Variants in PEBP4 observed in about 807,000 individuals in gnomAD.
PEBP4 encodes the protein phosphatidylethanolamine-binding protein 4.
PEBP4 carries 22 observed loss-of-function variants against 23.9 expected under a neutral mutation model. That is an observed-to-expected ratio of 0.92 (90% CI 0.66 to 1.31). PEBP4 has a LOEUF of 1.31. PEBP4 is among the 40% of genes most tolerant of loss of function. The pLI is 0.00. For missense variants in PEBP4, 324 were observed against 281.7 expected (o/e 1.15, Z -1.07); for synonymous variants, 112 against 99.3 (o/e 1.13, Z -0.76).
intron 3 of PEBP4, among the ~76,000 whole-genome samples, chr8:22,824,175 CTTTA>C (rs1298833163): frequency 6.6e-6 from 1 of 152,098 alleles, no homozygotes; most frequent in Non-Finnish European, 1.5e-5. Context: ...TAATTATGAA[CTTTA>C]TTTTCTTCTT....
intron 4 of PEBP4, among the ~76,000 whole-genome samples, chr8:22,732,185 A>G (rs1267869721): frequency 6.6e-6 from 1 of 151,984 alleles, no homozygotes; most frequent in Admixed American, 6.6e-5. Context: ...GGGGAAGGCA[A>G]TTCTTCCTCA....
chr8:22,757,600 C>G (rs1338263267), intron 4 of PEBP4: 1 of 152,142 alleles, frequency 6.6e-6, no homozygotes, highest in Non-Finnish European at 1.5e-5. Flanking sequence ...AGCCAGCTAG[C>G]GGGAGAGCTG....
chr8:22,817,517 G>T, intron 4 of PEBP4, 120 bp downstream of exon 4: 1 of 887,120 alleles, frequency 1.1e-6, no homozygotes, highest in Non-Finnish European at 1.8e-6. Flanking sequence ...AGCACTGGGG[G>T]AGATGGGACA....
At position 22,906,597 on chromosome 8, in the gene PEBP4, A is replaced by T. The variant is rs118011896; in HGVS notation, c.258+13587T>A. 2.6e-4 allele frequency among the ~76,000 whole-genome samples: 40 copies of T among 152,372 alleles called. No individual in the cohort carries two copies. In the East Asian group the frequency reaches 7.1e-3, roughly 27 times the overall value. ...CTCGACTGTCATGTTGCAAGGCTGC[A>T]CTAGTCACATGGGTGGCTGAGATGA... On this transcript the variant is annotated intron_variant, in intron 3 of 6. Coordinates refer to ENST00000256404, the MANE Select transcript of PEBP4 (RefSeq NM_144962.3).
At chr8:22,804,977 T>G (rs978834422) in intron 4 of PEBP4, among the ~76,000 whole-genome samples, 2 of 152,090 alleles carry the variant, frequency 1.3e-5, no homozygotes, top group African/African-American at 4.8e-5. Context: ...GCTCACAGGT[T>G]TCCTTCTCTG....
chr8:22,777,153 G>C (rs1805829945), intron 4 of PEBP4, among the ~76,000 whole-genome samples: 1 of 152,040 alleles, frequency 6.6e-6, no homozygotes, highest in Non-Finnish European at 1.5e-5. Flanking sequence ...TCATGAGGGA[G>C]GGAGGGTGCT....
At chr8:22,900,901 T>C (rs1585333006) in intron 3 of PEBP4, among the ~76,000 whole-genome samples, 1 of 152,162 alleles carries the variant, frequency 6.6e-6, no homozygotes, top group Non-Finnish European at 1.5e-5. Flanking sequence ...GACATAATTC[T>C]GACATAGTCA....
intron 3 of PEBP4, among the ~76,000 whole-genome samples, chr8:22,823,389 A>G (rs576325472): frequency 6.6e-6 from 1 of 151,974 alleles, no homozygotes; most frequent in African/African-American, 2.4e-5. Context: ...TTAATAACAT[A>G]ATATTAAATT....
At chr8:22,831,709 A>G (rs1256897184) in intron 3 of PEBP4, among the ~76,000 whole-genome samples, 1 of 152,152 alleles carries the variant, frequency 6.6e-6, no homozygotes, top group Non-Finnish European at 1.5e-5. Flanking sequence ...GCTCAGGGTG[A>G]CCAAATAAAG....
At chr8:22,930,185 C>A (rs1809431993), upstream of PEBP4, among the ~76,000 whole-genome samples, 1 of 152,180 alleles carries the variant, frequency 6.6e-6, no homozygotes, top group African/African-American at 2.4e-5. Flanking sequence ...CTTCCTCTCA[C>A]ATGTTACCTC....
At chr8:22,795,839 T>C (rs1224909625) in intron 4 of PEBP4, among the ~76,000 whole-genome samples, 2 of 152,222 alleles carry the variant, frequency 1.3e-5, no homozygotes, top group Non-Finnish European at 2.9e-5. Context: ...AGTATAAAAA[T>C]AACGAATTTA....
intron 2 of PEBP4, among the ~76,000 whole-genome samples, chr8:22,923,337 T>C (rs995699667): frequency 3.9e-5 from 6 of 152,046 alleles, no homozygotes; most frequent in African/African-American, 1.4e-4. Flanking sequence ...GAGGCTGAGG[T>C]GAGATGATCA....
At chr8:22,731,810 C>T (rs1804742804) in intron 4 of PEBP4, among the ~76,000 whole-genome samples, 1 of 151,172 alleles carries the variant, frequency 6.6e-6, no homozygotes, top group African/African-American at 2.4e-5. Context: ...AGGTGCCTGC[C>T]ATGGCGCCCG....
chr8:22,858,591 T>C (rs984832880), intron 3 of PEBP4, among the ~76,000 whole-genome samples: 1 of 152,154 alleles, frequency 6.6e-6, no homozygotes, highest in Non-Finnish European at 1.5e-5. Context: ...ATTAGACTCA[T>C]CTTAGAGATG....
intron 4 of PEBP4, among the ~76,000 whole-genome samples, chr8:22,756,793 C>T (rs995011315): frequency 8.5e-5 from 13 of 152,070 alleles, no homozygotes; most frequent in African/African-American, 1.4e-4. Context: ...GTTCGGAAAT[C>T]GTGGTGGCCA....
At chr8:22,734,180 T>C in intron 4 of PEBP4, among the ~76,000 whole-genome samples, 1 of 152,188 alleles carries the variant, frequency 6.6e-6, no homozygotes, top group East Asian at 1.9e-4. Context: ...CGGAAGGCAC[T>C]GACAGCTCCC....
intron 4 of PEBP4, among the ~76,000 whole-genome samples, chr8:22,785,525 G>A (rs1585271168): frequency 1.3e-5 from 2 of 152,292 alleles, no homozygotes; most frequent in South Asian, 2.1e-4. Flanking sequence ...GGACAGATCC[G>A]CCATGTGCTC....
intron 5 of PEBP4, among the ~76,000 whole-genome samples, chr8:22,725,994 GAT>G (rs1427297356): frequency 2.5e-3 from 235 of 93,722 alleles, no homozygotes; most frequent in South Asian, 8.2e-3. Context: ...TCGCAGATCA[GAT>G]ATATGTGTGT....
chr8:22,860,473 G>T (rs1269802707), intron 3 of PEBP4, among the ~76,000 whole-genome samples: 1 of 152,000 alleles, frequency 6.6e-6, no homozygotes, highest in African/African-American at 2.4e-5. Flanking sequence ...TAAGTGGAAT[G>T]GTACAGTACC....
Sources: allele counts gnomAD v4.1 joint callset (sites outside exome capture counted in the v4.1 genomes callset), GRCh38; gene constraint gnomAD v4.1.1; transcripts MANE v1.5; gene names NCBI Gene and HGNC (gene_info 2026-07-23, HGNC 2026-07-21).